FBXL17: variants seen among roughly 807,000 people sequenced by gnomAD.
FBXL17 encodes F-box and leucine rich repeat protein 17, also known as F-box/LRR-repeat protein 17.
In FBXL17, 22 loss-of-function variants were observed where a neutral mutation model predicts 66.2. The ratio of observed to expected loss-of-function variants is 0.33; its 90% confidence interval spans 0.24 to 0.47. FBXL17 has a LOEUF of 0.47. Among genes scored for constraint, FBXL17 ranks in the 20% least tolerant of loss-of-function variants. The pLI, the probability that FBXL17 is intolerant of heterozygous loss-of-function variation, is 1.00. For synonymous variants in FBXL17, 474 were observed against 400.5 expected, an observed-to-expected ratio of 1.18 and a Z score of -2.19; for missense variants, 878 against 948.2, an observed-to-expected ratio of 0.93 and a Z score of 0.97.
At chr5:108,338,446 T>G (rs1254172201) in intron 4 of FBXL17, among the ~76,000 whole-genome samples, 1 of 152,122 alleles carries the variant, frequency 6.6e-6, no homozygotes, top group Non-Finnish European at 1.5e-5. Context: ...CCATCTAGAT[T>G]TTATGCTCCA....
chr5:108,224,875 TC>T (rs760354586), intron 4 of FBXL17, among the ~76,000 whole-genome samples: 5 of 151,988 alleles, frequency 3.3e-5, no homozygotes, highest in African/African-American at 4.8e-5. Flanking sequence ...TGATCCAGCC[TC>T]CTTGGCCTCC....
intron 4 of FBXL17, among the ~76,000 whole-genome samples, chr5:108,345,142 G>C (rs1747190488): frequency 6.6e-6 from 1 of 151,958 alleles, no homozygotes. Flanking sequence ...AGACCAGCCT[G>C]ACCAACATGG....
chr5:107,945,713 G>C (rs773054107), intron 7 of FBXL17, among the ~76,000 whole-genome samples: 1 of 152,144 alleles, frequency 6.6e-6, no homozygotes, highest in Non-Finnish European at 1.5e-5. Context: ...TGAAGCAAAG[G>C]TATCAAGATG....
chr5:108,088,688 G>C (rs112369442), intron 6 of FBXL17, among the ~76,000 whole-genome samples: 1 of 106,462 alleles, frequency 9.4e-6, no homozygotes, highest in African/African-American at 4.0e-5. Flanking sequence ...CCGACAGAGC[G>C]AGACTCTATC....
chr5:107,958,757 C>T (rs544084539), intron 7 of FBXL17, among the ~76,000 whole-genome samples: 1 of 152,158 alleles, frequency 6.6e-6, no homozygotes, highest in Admixed American at 6.6e-5. Flanking sequence ...ACCTGTGACC[C>T]ATTTTTCATG....
intron 7 of FBXL17, among the ~76,000 whole-genome samples, chr5:107,897,739 A>G (rs1010400503): frequency 3.3e-5 from 5 of 151,982 alleles, no homozygotes; most frequent in Non-Finnish European, 4.4e-5. Context: ...CAGATACAAC[A>G]TGTAACAGTC....
intron 6 of FBXL17, among the ~76,000 whole-genome samples, chr5:108,026,230 A>G (rs1164990942): frequency 2.6e-5 from 4 of 152,174 alleles, no homozygotes; most frequent in Non-Finnish European, 5.9e-5. Flanking sequence ...TCTTATATTT[A>G]TAGTTACTTT....
At chr5:107,916,161 T>C (rs1312027007) in intron 7 of FBXL17, among the ~76,000 whole-genome samples, 2 of 152,202 alleles carry the variant, frequency 1.3e-5, no homozygotes, top group Non-Finnish European at 2.9e-5. Context: ...TCCCCAGTGT[T>C]ATGTCCATAT....
chr5:108,183,974 T>G (rs972338009), intron 6 of FBXL17, among the ~76,000 whole-genome samples: 13 of 152,178 alleles, frequency 8.5e-5, no homozygotes, highest in Non-Finnish European at 1.8e-4. Flanking sequence ...AGTACATTTT[T>G]CAAGAAAAAT....
chr5:108,060,576 A>T (rs1747881394), intron 6 of FBXL17, among the ~76,000 whole-genome samples: 1 of 152,002 alleles, frequency 6.6e-6, no homozygotes, highest in African/African-American at 2.4e-5. Context: ...TTCTGAAAAA[A>T]CCTTTTTCAG....
At chr5:107,927,865 C>T (rs575467733) in intron 7 of FBXL17, among the ~76,000 whole-genome samples, 1 of 152,142 alleles carries the variant, frequency 6.6e-6, no homozygotes, top group African/African-American at 2.4e-5. Context: ...TTGCACATGG[C>T]TTTTTTCAGA....
intron 4 of FBXL17, among the ~76,000 whole-genome samples, chr5:108,236,760 T>C (rs1009888257): frequency 2.0e-5 from 3 of 152,090 alleles, no homozygotes; most frequent in Non-Finnish European, 4.4e-5. Flanking sequence ...ATACCAATCG[T>C]TGATTAATTT....
intron 4 of FBXL17, among the ~76,000 whole-genome samples, chr5:108,283,860 T>C (rs1006038396): frequency 6.6e-6 from 1 of 151,578 alleles, no homozygotes; most frequent in African/African-American, 2.4e-5. Context: ...AATAACCCCA[T>C]TTAAAAGATA....
intron 4 of FBXL17, among the ~76,000 whole-genome samples, chr5:108,262,139 C>G (rs552909839): frequency 6.7e-6 from 1 of 148,864 alleles, no homozygotes; most frequent in Non-Finnish European, 1.5e-5. Flanking sequence ...TGCAGTGGCA[C>G]GGTCTTGGCT....
chr5:108,013,349 G>A (rs1407949333), intron 7 of FBXL17, among the ~76,000 whole-genome samples: 3 of 152,106 alleles, frequency 2.0e-5, no homozygotes, highest in African/African-American at 4.8e-5. Context: ...AAATTTGTCC[G>A]TGTTTGCATG....
At chr5:108,113,322 C>A (rs919961383) in intron 6 of FBXL17, among the ~76,000 whole-genome samples, 1 of 152,118 alleles carries the variant, frequency 6.6e-6, no homozygotes, top group Non-Finnish European at 1.5e-5. Context: ...ACTTTAACTA[C>A]TGAGCCTTTA....
intron 6 of FBXL17, among the ~76,000 whole-genome samples, chr5:108,063,414 T>C (rs928256902): frequency 1.3e-5 from 2 of 152,208 alleles, no homozygotes; most frequent in African/African-American, 4.8e-5. Context: ...TCTTGGGTAT[T>C]TCCAAGTACA....
intron 6 of FBXL17, among the ~76,000 whole-genome samples, chr5:108,038,493 C>T (rs1394366711): frequency 6.6e-6 from 1 of 151,922 alleles, no homozygotes; most frequent in Non-Finnish European, 1.5e-5. Flanking sequence ...TTATATGATT[C>T]TATATTTATG....
At chr5:108,267,770 G>T (rs940967473) in intron 4 of FBXL17, among the ~76,000 whole-genome samples, 1 of 151,980 alleles carries the variant, frequency 6.6e-6, no homozygotes, top group Admixed American at 6.6e-5. Context: ...AGTCAGATAC[G>T]AGGGTTAAAA....
Sources: allele counts gnomAD v4.1 joint callset (sites outside exome capture counted in the v4.1 genomes callset), GRCh38; gene constraint gnomAD v4.1.1; transcripts MANE v1.5; gene names NCBI Gene and HGNC (gene_info 2026-07-23, HGNC 2026-07-21).